The following MYOF variants were observed in gnomAD, a reference collection of about 807,000 sequenced individuals.
The protein encoded by MYOF is fer-1-like 3, myoferlin.
A neutral mutation model predicts 284.2 loss-of-function variants in MYOF; 244 were observed. The observed-to-expected ratio is 0.86, with a 90% CI of 0.77 to 0.95. The LOEUF is 0.95. Among genes scored for constraint, MYOF ranks in the 40% least tolerant of loss-of-function variants. MYOF has a pLI of 0.00. For synonymous variants in MYOF, 904 were observed against 919.7 expected, an observed-to-expected ratio of 0.98 and a Z score of 0.31; for missense variants, 2,496 against 2,560.6, an observed-to-expected ratio of 0.97 and a Z score of 0.54.
chr10:93,431,544 C>T (rs530769343), intron 3 of MYOF, 28 bp from the exon 4 acceptor site: 1 of 1,580,420 alleles, frequency 6.3e-7, no homozygotes, highest in African/African-American at 1.3e-5. Flanking sequence ...AAGCACATAG[C>T]AGCCTAAGTA....
intron 15 of MYOF, 148 bp downstream of exon 15, chr10:93,397,099 G>C (rs1430712519): frequency 4.5e-5 from 28 of 616,168 alleles, no homozygotes; most frequent in Middle Eastern, 4.5e-4. Flanking sequence ...ATTAAATTTT[G>C]TTTTAAGAAA....
rs778514005 is a variant in MYOF at position 93,409,672 on chromosome 10, C to T, written c.501G>A (p.Lys167=). The change falls in exon 6 of 54, where the codon AAG becomes AAA. Residue 167 remains lysine, a synonymous_variant. Coordinates refer to ENST00000359263, the MANE Select transcript of MYOF (RefSeq NM_013451.4). ...LDNAVRGPGP[K]GPVGTVSEAQ... is the part of the protein sequence containing the mutation. ...CTTCCGACACCGTCCCAACTGGCCC[C>T]TTGGGCCCAGGGCCCCTGACTGCAT... The T allele has an allele frequency of 1.1e-5, 17 of 1,614,118 alleles. No individual in the cohort carries two copies. The highest frequency in any genetic ancestry group is 3.3e-4 in the Middle Eastern group (2 of 6,082).
At chr10:93,471,820 T>G (rs1589619482) in intron 1 of MYOF, among the ~76,000 whole-genome samples, 1 of 147,428 alleles carries the variant, frequency 6.8e-6, no homozygotes, top group African/African-American at 2.5e-5. Context: ...ACCTGGGAGG[T>G]GGAGGTTGCA....
intron 1 of MYOF, among the ~76,000 whole-genome samples, chr10:93,480,432 T>C (rs1006772023): frequency 1.3e-5 from 2 of 151,572 alleles, no homozygotes; most frequent in Admixed American, 6.6e-5. Context: ...TTTTGCCCTT[T>C]AGATTTTTTT....
intron 3 of MYOF, among the ~76,000 whole-genome samples, chr10:93,445,151 T>G (rs115003912): frequency 1.5e-3 from 221 of 152,372 alleles, no homozygotes; most frequent in African/African-American, 5.1e-3. Context: ...TAATTGATCA[T>G]TCTACCTACA....
At position 93,351,180 on chromosome 10, in the gene MYOF, C is replaced by T. The variant is rs202230453; in HGVS notation, c.3921+17G>A. On this transcript the variant is annotated intron_variant, in intron 35 of 53. Transcript: ENST00000359263. Reference sequence around the variant, plus strand: ...CATCCGTTTGATTTGATGAGTAACACGTGGGGAGCAGCATACCTCAATGGC... The same window carrying T: ...CATCCGTTTGATTTGATGAGTAACATGTGGGGAGCAGCATACCTCAATGGC... 189 of 1,610,382 alleles carry T rather than the reference C, an allele frequency of 1.2e-4. No individual in the cohort carries two copies. The African/African-American group carries it at 2.3e-3, about 20-fold the overall frequency.
chr10:93,317,334 T>G (rs1433317051), intron 49 of MYOF, among the ~76,000 whole-genome samples: 2 of 151,536 alleles, frequency 1.3e-5, no homozygotes, highest in Non-Finnish European at 2.9e-5. Flanking sequence ...CTGGGATTTT[T>G]GGCCTTTGAA....
intron 5 of MYOF, among the ~76,000 whole-genome samples, chr10:93,416,448 C>T (rs1191715302): frequency 6.6e-6 from 1 of 151,936 alleles, no homozygotes; most frequent in African/African-American, 2.4e-5. Context: ...CACTTGAGCC[C>T]AGAGGCAGAG....
At chr10:93,431,615 T>C (rs1848875042) in intron 3 of MYOF, 99 bp from the exon 4 acceptor site, 3 of 873,246 alleles carry the variant, frequency 3.4e-6, no homozygotes, top group African/African-American at 3.4e-5. Context: ...TGTTAAATCA[T>C]TGAAGTCACT....
At position 93,401,512 on chromosome 10, in the gene MYOF, A is replaced by G; in HGVS notation, c.1023T>C (p.Asp341=). Reference sequence around the variant, plus strand: ...GGAGTAACAAATTACTCTCCACATCATCACTGTCATTATCACGATCTCGTC... The same window carrying G: ...GGAGTAACAAATTACTCTCCACATCGTCACTGTCATTATCACGATCTCGTC... ...PERRDRDNDS[D]DVESNLLLPA... Residue 341 remains aspartate, a synonymous_variant, in exon 12 of 54, where the codon GAT becomes GAC. Transcript: ENST00000359263. The G allele has an allele frequency of 6.2e-7, 1 of 1,614,110 alleles. No homozygotes were observed. The highest frequency in any genetic ancestry group is 1.7e-5 in the Admixed American group (1 of 60,026).
chr10:93,352,149 C>A (rs903135102), intron 32 of MYOF, among the ~76,000 whole-genome samples: 1 of 152,200 alleles, frequency 6.6e-6, no homozygotes, highest in Non-Finnish European at 1.5e-5. Flanking sequence ...TTGAGTGAGG[C>A]TCTGCAGTCA....
intron 38 of MYOF, among the ~76,000 whole-genome samples, chr10:93,341,046 G>A (rs375858521): frequency 2.0e-5 from 3 of 152,168 alleles, no homozygotes; most frequent in African/African-American, 7.2e-5. Flanking sequence ...TCAGCACAAT[G>A]CAATTGCCAA....
chr10:93,397,391 G>T lies in MYOF; in HGVS notation c.1287C>A (p.Ile429=), dbSNP rs749825070. Residue 429 remains isoleucine, a synonymous_variant, in exon 14 of 54, where the codon ATC becomes ATA. Transcript: ENST00000359263. ...PEWNQVVNLQ[I]KFPSVCEKIK... The stretch of plus-strand genomic sequence containing the variant: ...CAGAAAGAAAATAAAGTCAAACCTT[G>T]ATCTGAAGATTGACGACCTGATTCC... 1 of 1,610,788 alleles carries T rather than the reference G, an allele frequency of 6.2e-7. No homozygotes were observed. Among genetic ancestry groups the T allele is most frequent in the East Asian group, 2.2e-5 (1 of 44,766 alleles).
At chr10:93,431,363 A>T (rs1178247155) in intron 4 of MYOF, 45 bp downstream of exon 4, 2 of 1,560,156 alleles carry the variant, frequency 1.3e-6, no homozygotes, top group Non-Finnish European at 1.8e-6. Flanking sequence ...AATTTTGCTC[A>T]ATCATCTCAC....
chr10:93,342,932 G>T (rs753869043), intron 38 of MYOF, among the ~76,000 whole-genome samples: 6 of 152,230 alleles, frequency 3.9e-5, no homozygotes, highest in Non-Finnish European at 7.3e-5. Context: ...ATTGTCGTTT[G>T]TGACTGTGTA....
chr10:93,377,194 C>T (rs1025451457), intron 22 of MYOF, 129 bp downstream of exon 22: 23 of 695,696 alleles, frequency 3.3e-5, no homozygotes, highest in Middle Eastern at 5.0e-4. Context: ...GGACTTTTTA[C>T]GAAGTTTGAA....
At chr10:93,399,576 C>A in intron 12 of MYOF, 81 bp from the exon 13 acceptor site, 1 of 969,064 alleles carries the variant, frequency 1.0e-6, no homozygotes, top group South Asian at 1.5e-5. Flanking sequence ...TCTTATACAT[C>A]AAAATAGTTG....
At chr10:93,311,261 T>C (rs1196614647) in intron 51 of MYOF, among the ~76,000 whole-genome samples, 4 of 152,172 alleles carry the variant, frequency 2.6e-5, no homozygotes, top group Non-Finnish European at 5.9e-5. Flanking sequence ...GGTACTATTA[T>C]TGTCCTCATG....
At chr10:93,404,634 G>A (rs1847463656) in intron 7 of MYOF, among the ~76,000 whole-genome samples, 1 of 119,328 alleles carries the variant, frequency 8.4e-6, no homozygotes, top group African/African-American at 3.6e-5. Flanking sequence ...ATAGTGAGAG[G>A]CCATCTCAAA....
Sources: allele counts gnomAD v4.1 joint callset (sites outside exome capture counted in the v4.1 genomes callset), GRCh38; gene constraint gnomAD v4.1.1; transcripts MANE v1.5; gene names NCBI Gene and HGNC (gene_info 2026-07-23, HGNC 2026-07-21).